Variants in ALDH1L1 observed in about 807,000 individuals in gnomAD.
The protein encoded by ALDH1L1 is aldehyde dehydrogenase 1 family member L1.
A neutral mutation model predicts 101.1 loss-of-function variants in ALDH1L1; 68 were observed. The observed-to-expected ratio is 0.67, with a 90% confidence interval of 0.55 to 0.82. The LOEUF is 0.82. ALDH1L1 is among the 40% of genes least tolerant of loss of function. The pLI, the probability that ALDH1L1 is intolerant of heterozygous loss-of-function variation, is 0.00. For missense variants in ALDH1L1, 1,087 were observed against 1,172.7 expected, an observed-to-expected ratio of 0.93 and a Z score of 1.07; for synonymous variants, 486 against 470.8, an observed-to-expected ratio of 1.03 and a Z score of -0.42.
At chr3:126,148,550 A>G (rs1389173357) in intron 8 of ALDH1L1, among the ~76,000 whole-genome samples, 1 of 152,114 alleles carries the variant, frequency 6.6e-6, no homozygotes, top group Non-Finnish European at 1.5e-5. Context: ...TGCAGCTGTG[A>G]GCAAGAGGCC....
intron 2 of ALDH1L1, chr3:126,160,461 G>C (rs181447226): frequency 1.1e-3 from 206 of 185,528 alleles, no homozygotes; most frequent in African/African-American, 4.4e-3. Context: ...TATGTGTTTT[G>C]ACGGCAGCCC....
chr3:126,137,959 G>T lies in ALDH1L1; in HGVS notation c.1078C>A (p.Leu360Met). The T allele has an allele frequency of 6.2e-7, 1 of 1,613,998 alleles. No homozygotes were observed. The highest frequency in any genetic ancestry group is 2.2e-5 in the East Asian group (1 of 44,874). ...CACAGCTCCTTCACTTCCTCCACCA[G>T]CCTGGAGGAAGGAGATGGAAAGATG... Reference protein sequence around the residue: ...SGAASVDVVRLVEEVKELCDG... With the variant: ...SGAASVDVVRMVEEVKELCDG... The change falls in exon 10 of 23, where the codon CTG (leucine) becomes ATG (methionine). Residue 360 changes from leucine (L) to methionine (M), a missense_variant and splice_region_variant. Around this residue, in one of 2 missense-constraint regions of ALDH1L1, gnomAD observed 645 missense variants for 637.0 expected, o/e 1.01. Transcript: ENST00000393434.
chr3:126,111,253 A>G (rs767355430), intron 19 of ALDH1L1, among the ~76,000 whole-genome samples: 10 of 152,216 alleles, frequency 6.6e-5, no homozygotes, highest in Non-Finnish European at 1.5e-4. Context: ...TTGCTTAGGC[A>G]GCACAATGCA....
upstream of ALDH1L1, among the ~76,000 whole-genome samples, chr3:126,182,249 C>T (rs760786652): frequency 2.6e-5 from 4 of 152,094 alleles, no homozygotes; most frequent in Non-Finnish European, 4.4e-5. Context: ...TAGGTTCAAG[C>T]GATTCTCCTG....
chr3:126,120,813 C>T (rs78552734), intron 16 of ALDH1L1, among the ~76,000 whole-genome samples: 6,732 of 152,198 alleles, frequency 0.044, 462 homozygotes, highest in African/African-American at 0.15. Context: ...AATAACAACA[C>T]TCTCTTAGGC....
chr3:126,150,664 C>T lies in ALDH1L1; in HGVS notation c.859-133G>A, dbSNP rs182364860. 1.9e-3 allele frequency: 2,021 copies of T among 1,065,270 alleles called. 5 individuals carry two copies. Among genetic ancestry groups the T allele is most frequent in the Non-Finnish European group, 2.5e-3 (1,909 of 770,148 alleles). The allele number at this position is 1,065,270 out of a possible 1,614,324, so 66.0% of individuals were successfully genotyped here. On this transcript the variant is annotated intron_variant, in intron 7 of 22. Transcript: ENST00000393434. ...CCGCCTCCCGGGTTGAAGCGATTCT[C>T]CTGCCTCAGCCCTCCTGAATAGCTG...
chr3:126,179,487 G>T (rs2081429199), intron 1 of ALDH1L1, among the ~76,000 whole-genome samples: 1 of 148,494 alleles, frequency 6.7e-6, no homozygotes, highest in Admixed American at 6.7e-5. Flanking sequence ...GCGACAGAGC[G>T]AGACTCTGTC....
At chr3:126,134,616 T>G (rs1395747352) in intron 12 of ALDH1L1, among the ~76,000 whole-genome samples, 2 of 152,182 alleles carry the variant, frequency 1.3e-5, no homozygotes, top group Non-Finnish European at 2.9e-5. Context: ...CAGACCATGC[T>G]CTTGCAACCC....
At chr3:126,181,082 C>G (rs916364602), upstream of ALDH1L1, 1 of 1,340,854 alleles carries the variant, frequency 7.5e-7, no homozygotes, top group African/African-American at 1.4e-5. Context: ...CGCTTCTGCC[C>G]GCCCAGTGCC....
At chr3:126,173,761 A>T (rs2081323718) in intron 1 of ALDH1L1, among the ~76,000 whole-genome samples, 1 of 152,258 alleles carries the variant, frequency 6.6e-6, no homozygotes, top group Non-Finnish European at 1.5e-5. Context: ...ATGGAGAAAG[A>T]TATACCGTGC....
At chr3:126,174,628 A>C (rs1037917198) in intron 1 of ALDH1L1, among the ~76,000 whole-genome samples, 2 of 152,216 alleles carry the variant, frequency 1.3e-5, no homozygotes, top group African/African-American at 4.8e-5. Flanking sequence ...ATGGAAACTA[A>C]ATGACACACT....
chr3:126,150,268 A>G, intron 8 of ALDH1L1, 138 bp downstream of exon 8: 2 of 1,379,134 alleles, frequency 1.5e-6, no homozygotes, highest in Non-Finnish European at 1.9e-6. Context: ...GACGAGATAG[A>G]ACCAACACTG....
chr3:126,182,917 A>G (rs962657962), upstream of ALDH1L1, among the ~76,000 whole-genome samples: 1 of 152,202 alleles, frequency 6.6e-6, no homozygotes, highest in Non-Finnish European at 1.5e-5. Flanking sequence ...TTATACTAAA[A>G]TGTGAGAGAA....
rs35701473 is a variant in ALDH1L1 at position 126,116,038 on chromosome 3, A to AT, written c.1983-1383dup. 4.7e-3 allele frequency among the ~76,000 whole-genome samples: 643 copies of AT among 137,064 alleles called. 1 individual carries two copies. Among genetic ancestry groups the AT allele is most frequent in the East Asian group, 0.012 (54 of 4,600 alleles). 89.9% of individuals were successfully genotyped at this position (137,064 alleles called of 152,430 possible). On this transcript the variant is annotated intron_variant, in intron 17 of 22. Transcript: ENST00000393434. Reference sequence around the variant, plus strand: ...TAGGCATATACCACCACACCTGGCTATTTTTTTTTTTTTTTGTATTTTTTG... The same window carrying AT: ...TAGGCATATACCACCACACCTGGCTATTTTTTTTTTTTTTTTGTATTTTTTG...
intron 21 of ALDH1L1, 121 bp downstream of exon 21, chr3:126,107,020 T>A: frequency 2.2e-6 from 2 of 891,564 alleles, no homozygotes; most frequent in Non-Finnish European, 3.6e-6. Flanking sequence ...TGTCCACGGC[T>A]TGCGCCCTGC....
chr3:126,179,432 G>A (rs924252424), intron 1 of ALDH1L1, among the ~76,000 whole-genome samples: 7 of 152,162 alleles, frequency 4.6e-5, no homozygotes, highest in Non-Finnish European at 8.8e-5. Context: ...CCCGGGAGGC[G>A]GAGGTTGCAG....
At chr3:126,180,373 C>A in intron 1 of ALDH1L1, 103 bp downstream of exon 1, 1 of 883,168 alleles carries the variant, frequency 1.1e-6, no homozygotes, top group African/African-American at 1.8e-5. Context: ...GCGGTGAGAA[C>A]CGAGTCCTGG....
At chr3:126,110,263 TC>T in intron 19 of ALDH1L1, 154 bp from the exon 20 acceptor site, 2 of 996,182 alleles carry the variant, frequency 2.0e-6, no homozygotes, top group Non-Finnish European at 1.4e-6. Context: ...AAATCCACCT[TC>T]CAGGCTGAAA....
chr3:126,178,214 T>A (rs1380226373), intron 1 of ALDH1L1, among the ~76,000 whole-genome samples: 1 of 151,494 alleles, frequency 6.6e-6, no homozygotes, highest in Non-Finnish European at 1.5e-5. Context: ...GACCCATCTC[T>A]ACAAAAAAAT....
Sources: gnomAD v4.1 joint callset for allele counts (sites outside exome capture counted in the v4.1 genomes callset) on GRCh38, gnomAD v4.1.1 for gene constraint, gnomAD v4.1.1 regional missense constraint, MANE v1.5 for transcripts, NCBI Gene and HGNC (gene_info 2026-07-23, HGNC 2026-07-21) for gene names.